EXD3: variants seen among roughly 807,000 people sequenced by gnomAD.
The protein encoded by EXD3 is exonuclease mut-7 homolog.
Under a neutral mutation model 98.0 loss-of-function variants are expected in EXD3, and 92 were observed. The ratio of observed to expected loss-of-function variants is 0.94; its 90% CI spans 0.79 to 1.12. The LOEUF is 1.12. Among genes scored for constraint, EXD3 ranks in the 50% most tolerant of loss-of-function variants. The pLI is 0.00. For missense variants in EXD3, 1,222 were observed against 1,191.6 expected, an observed-to-expected ratio of 1.03 and a Z score of -0.38; for synonymous variants, 569 against 526.0, an observed-to-expected ratio of 1.08 and a Z score of -1.12.
Position 137,374,047 on chromosome 9 carries a change from C to T in EXD3, c.121-448G>A, listed in dbSNP as rs371317133. ...CCTGACCCGCAGGAGATTTGGGAAA[C>T]GGATAAGAGGTGGACGAAGAGAAGC... On this transcript the variant is annotated intron_variant, in intron 3 of 21. Transcript: ENST00000340951. Among the ~76,000 whole-genome samples, 60 of 152,374 alleles carry T rather than the reference C, an allele frequency of 3.9e-4. 1 individual carries two copies. In the East Asian group the frequency reaches 0.01, roughly 26 times the overall value.
chr9:137,354,076 G>T, intron 10 of EXD3: 1 of 1,230,474 alleles, frequency 8.1e-7, no homozygotes, highest in Non-Finnish European at 1.0e-6. Context: ...CCGCTGGGTT[G>T]GTTCGGGTGG....
intron 17 of EXD3, among the ~76,000 whole-genome samples, chr9:137,336,589 C>T (rs60909861): frequency 0.016 from 2,306 of 143,780 alleles, 38 homozygotes; most frequent in African/African-American, 0.054. Flanking sequence ...ACCTGGGAGG[C>T]GGAGCTTGCA....
At chr9:137,389,899 A>C (rs1178348068) in intron 2 of EXD3, among the ~76,000 whole-genome samples, 1 of 152,066 alleles carries the variant, frequency 6.6e-6, no homozygotes. Context: ...AGGCGGGCAG[A>C]TCACCTGAGG....
rs1410055587 is a variant in EXD3 at position 137,349,518 on chromosome 9, C to A, written c.1508G>T (p.Ser503Ile). ...CCTGTCCACGGCTGGGGCTGGCACG[C>A]TCGCCACCCGCATCTGCTAAGACAG... ...LLVHRQMRVA[S>I]VPAPAVDRAR... Residue 503 changes from serine to isoleucine, a missense_variant, in exon 15 of 22, where the codon AGC becomes ATC. Physicochemically the swap from Ser to Ile is moderately radical, Grantham distance 142 (BLOSUM62 -2). Transcript: ENST00000340951. This position sits in a 1 kb window ranked among gnomAD's most constrained non-coding sequence, Gnocchi z 7.4. 1 of 1,592,026 alleles carries A rather than the reference C, an allele frequency of 6.3e-7. No individual in the cohort carries two copies. The highest frequency in any genetic ancestry group is 1.8e-5 in the Admixed American group (1 of 57,138).
At chr9:137,339,004 C>T (rs1171070069) in intron 17 of EXD3, among the ~76,000 whole-genome samples, 3 of 151,880 alleles carry the variant, frequency 2.0e-5, no homozygotes, top group African/African-American at 7.3e-5. Context: ...GCAGACACAG[C>T]AGAGCCTTAA....
chr9:137,372,819 A>T, intron 5 of EXD3, 86 bp downstream of exon 5: 1 of 1,409,158 alleles, frequency 7.1e-7, no homozygotes, highest in South Asian at 1.3e-5. Flanking sequence ...CAGCCCCCAC[A>T]CAGAGGCGGC....
chr9:137,397,026 T>C (rs987479209), intron 1 of EXD3, among the ~76,000 whole-genome samples: 4 of 151,736 alleles, frequency 2.6e-5, no homozygotes, highest in Non-Finnish European at 5.9e-5. Context: ...GGGCAGTGAG[T>C]GTGTGGGCAG....
chr9:137,379,652 G>A (rs924085687), intron 3 of EXD3, among the ~76,000 whole-genome samples: 13 of 151,964 alleles, frequency 8.6e-5, no homozygotes, highest in African/African-American at 3.1e-4. Context: ...AGGCCATTGA[G>A]TCACTCATTG....
rs549066388 is a variant in EXD3 at position 137,373,181 on chromosome 9, G to T, written c.295-109C>A. 1,431 of 1,348,288 alleles carry T rather than the reference G, an allele frequency of 1.1e-3. 3 individuals are homozygous for T. The highest frequency in any genetic ancestry group is 1.3e-3 in the Non-Finnish European group (1,269 of 995,422). The allele number at this position is 1,348,288 out of a possible 1,614,324, so 83.5% of individuals were successfully genotyped here. On this transcript the variant is annotated intron_variant, in intron 4 of 21. Coordinates refer to ENST00000340951, the MANE Select transcript of EXD3 (RefSeq NM_017820.5). ...AAGCAGCGCCTGCCACTGTGGCCAT[G>T]TGTGGGCATCGGGTGGTCTGCAGGG...
In EXD3 at chr9:137,324,277, C is replaced by G. The variant is rs1832263946; in HGVS notation, c.1999-134G>C. Reference sequence around the variant, plus strand: ...CCCCTTTTGTCCTCCAGGGTGGCCTCTGCCTGGGGTCTTGGGTGGTGAGGA... The same window carrying G: ...CCCCTTTTGTCCTCCAGGGTGGCCTGTGCCTGGGGTCTTGGGTGGTGAGGA... On this transcript the variant is annotated intron_variant, in intron 17 of 21. Transcript: ENST00000340951. This position sits in a 1 kb window ranked among gnomAD's most constrained non-coding sequence, Gnocchi z 4.1. The G allele has an allele frequency of 5.6e-6, 4 of 711,430 alleles. No homozygotes were observed. Among genetic ancestry groups the G allele is most frequent in the Non-Finnish European group, 9.6e-6 (4 of 418,242 alleles). 44.1% of individuals were successfully genotyped at this position (711,430 alleles called of 1,614,324 possible).
intron 1 of EXD3, among the ~76,000 whole-genome samples, chr9:137,410,054 T>G (rs113108909): frequency 2.0e-5 from 3 of 151,762 alleles, no homozygotes; most frequent in African/African-American, 7.3e-5. Context: ...CAGGTGCCTG[T>G]AATCCCAGCT....
intron 21 of EXD3, 94 bp from the exon 22 acceptor site, chr9:137,307,357 G>T: frequency 7.0e-7 from 1 of 1,430,410 alleles, no homozygotes; most frequent in Non-Finnish European, 9.1e-7. Flanking sequence ...CCCACGCTGA[G>T]CCCACGCTCA....
At chr9:137,402,452 A>G (rs999355036) in intron 1 of EXD3, among the ~76,000 whole-genome samples, 20 of 152,242 alleles carry the variant, frequency 1.3e-4, no homozygotes, top group African/African-American at 3.4e-4. Flanking sequence ...AAATGCTGCC[A>G]GTCTCTTTGC....
chr9:137,400,551 AGGTC>A (rs1327696331), intron 1 of EXD3, among the ~76,000 whole-genome samples: 1 of 152,132 alleles, frequency 6.6e-6, no homozygotes, highest in Non-Finnish European at 1.5e-5. Flanking sequence ...GGATCACCTG[AGGTC>A]GGGAGTTTGA....
At chr9:137,340,215 C>T (rs963766759) in intron 17 of EXD3, among the ~76,000 whole-genome samples, 11 of 152,188 alleles carry the variant, frequency 7.2e-5, no homozygotes, top group South Asian at 2.1e-4. Context: ...TGGTGGCTCA[C>T]GCCTGTAATC....
rs1390106789 is a variant in EXD3 at position 137,393,590 on chromosome 9, C to T, written c.55+1713G>A. On this transcript the variant is annotated intron_variant, in intron 2 of 21. Coordinates refer to ENST00000340951, the MANE Select transcript of EXD3 (RefSeq NM_017820.5). The surrounding 1 kb of genome is among the most constrained non-coding windows in gnomAD (Gnocchi z 4.6). ...CATGCCCGGAGGTGCCCCCACAGCC[C>T]TCAGCACCCACTGGGACACAGAAGA... Among the ~76,000 whole-genome samples, 1 of 152,216 alleles carries T rather than the reference C, an allele frequency of 6.6e-6. No homozygotes were observed. Among genetic ancestry groups the T allele is most frequent in the Non-Finnish European group, 1.5e-5 (1 of 68,018 alleles).
At chr9:137,366,215 C>A in intron 7 of EXD3, 3 of 702,874 alleles carry the variant, frequency 4.3e-6, no homozygotes, top group Non-Finnish European at 5.2e-6. Context: ...GGTTGCCATG[C>A]CTGCATGAGA....
At chr9:137,368,531 C>A (rs1835391110) in intron 5 of EXD3, among the ~76,000 whole-genome samples, 1 of 152,234 alleles carries the variant, frequency 6.6e-6, no homozygotes, top group Non-Finnish European at 1.5e-5. Flanking sequence ...GCGATCGGGG[C>A]ACGGCCGGGC....
In EXD3 at chr9:137,332,288, A is replaced by C. The variant is rs542207450; in HGVS notation, c.1999-8145T>G. ...GAGCCTGAATAGCCAAAGCAGTCCT[A>C]AGGAAAAAGAACGAATCTAGGCCGG... On this transcript the variant is annotated intron_variant, in intron 17 of 21. Coordinates refer to ENST00000340951, the MANE Select transcript of EXD3 (RefSeq NM_017820.5). Among the ~76,000 whole-genome samples, 112 of 152,332 alleles carry C rather than the reference A, an allele frequency of 7.4e-4. 1 individual carries two copies. Among genetic ancestry groups the C allele is most frequent in the African/African-American group, 2.1e-3 (88 of 41,580 alleles).
Sources: allele counts gnomAD v4.1 joint callset (sites outside exome capture counted in the v4.1 genomes callset), GRCh38; gene constraint gnomAD v4.1.1; non-coding constraint Gnocchi (gnomAD v3.1); transcripts MANE v1.5; gene names NCBI Gene and HGNC (gene_info 2026-07-23, HGNC 2026-07-21).